Variants in RAB8B observed in about 807,000 individuals in gnomAD.
RAB8B encodes RAB8B, member RAS oncogene family.
Under a neutral mutation model 32.0 loss-of-function variants are expected in RAB8B, and 11 were observed. That is an observed-to-expected ratio of 0.34 (90% CI 0.22 to 0.57). The LOEUF is 0.57. Among genes scored for constraint, RAB8B ranks in the 20% least tolerant of loss-of-function variants. The pLI is 0.86. For missense variants in RAB8B, 190 were observed against 258.5 expected (o/e 0.73, Z 1.82); for synonymous variants, 103 against 89.6 (o/e 1.15, Z -0.85).
Position 63,244,796 on chromosome 15 carries a change from G to C in RAB8B, c.165G>C (p.Lys55Asn). 3 of 1,583,474 alleles carry C rather than the reference G, an allele frequency of 1.9e-6. No individual in the cohort carries two copies. The highest frequency in any genetic ancestry group is 2.6e-6 in the Non-Finnish European group (3 of 1,155,916). The part of the protein sequence containing the change: ...FKIRTIELDG[K>N]KIKLQIWDTA... ...TTAGAACGATAGAACTAGATGGAAA[G>C]AAAATTAAGCTTCAGATATGGTAAG... Residue 55 changes from lysine to asparagine, a missense_variant, in exon 2 of 8, where the codon AAG becomes AAC. Transcript: ENST00000321437.
At chr15:63,247,548 G>A (rs2038081421) in intron 2 of RAB8B, among the ~76,000 whole-genome samples, 1 of 152,174 alleles carries the variant, frequency 6.6e-6, no homozygotes, top group Admixed American at 6.5e-5. Flanking sequence ...TCAGTTCAGT[G>A]CCTTGCATGG....
chr15:63,191,104 C>T (rs557832528), intron 1 of RAB8B, among the ~76,000 whole-genome samples: 1 of 152,228 alleles, frequency 6.6e-6, no homozygotes, highest in Admixed American at 6.5e-5. Flanking sequence ...AATTAAGTAC[C>T]TTAAGAATAC....
At chr15:63,196,888 A>T (rs2037604834) in intron 1 of RAB8B, among the ~76,000 whole-genome samples, 3 of 152,248 alleles carry the variant, frequency 2.0e-5, no homozygotes, top group African/African-American at 7.2e-5. Flanking sequence ...TTTAACACCC[A>T]GCTTCCAACC....
At position 63,189,669 on chromosome 15, in the gene RAB8B, C is replaced by G; in HGVS notation, c.45C>G (p.Gly15=). The G allele has an allele frequency of 6.2e-7, 1 of 1,613,988 alleles. No homozygotes were observed. Among genetic ancestry groups the G allele is most frequent in the Non-Finnish European group, 8.5e-7 (1 of 1,179,902 alleles). The change falls in exon 1 of 8, where the codon GGC becomes GGG. Residue 15 remains glycine, a synonymous_variant. Transcript: ENST00000321437. ...ATCTCTTCAAGCTCCTGCTGATCGG[C>G]GACTCGGGGGTAGGCAAGACCTGCC... The part of the protein sequence containing the change: ...YDYLFKLLLI[G]DSGVGKTCLL...
At chr15:63,256,458 G>A (rs751690487) in intron 4 of RAB8B, 47 bp from the exon 5 acceptor site, 39 of 1,371,738 alleles carry the variant, frequency 2.8e-5, no homozygotes, top group Admixed American at 1.8e-4. Context: ...ATTAAGTAAC[G>A]GGTTTTTCTC....
intron 2 of RAB8B, among the ~76,000 whole-genome samples, chr15:63,246,139 C>T (rs981890878): frequency 3.3e-5 from 5 of 152,208 alleles, no homozygotes; most frequent in Non-Finnish European, 7.3e-5. Flanking sequence ...TCCCAAAGTG[C>T]TGGGATTACA....
In RAB8B at chr15:63,259,195, C is replaced by T. The variant is rs1216930953; in HGVS notation, c.415-432C>T. On this transcript the variant is annotated intron_variant, in intron 5 of 7. Coordinates refer to ENST00000321437, the MANE Select transcript of RAB8B (RefSeq NM_016530.3). This position sits in a 1 kb window ranked among gnomAD's most constrained non-coding sequence, Gnocchi z 4.4. ...AGTGCAGTGGTGCGATCTCGGCTTA[C>T]TCCAACCTCTGCCTCCTGGGTTCAA... Among the ~76,000 whole-genome samples the T allele has an allele frequency of 6.6e-6, 1 of 152,196 alleles. No individual in the cohort carries two copies. The highest frequency in any genetic ancestry group is 1.5e-5 in the Non-Finnish European group (1 of 68,038).
At chr15:63,199,996 G>A (rs2037634357) in intron 1 of RAB8B, among the ~76,000 whole-genome samples, 2 of 152,050 alleles carry the variant, frequency 1.3e-5, no homozygotes, top group South Asian at 4.2e-4. Flanking sequence ...AAGTACGTAG[G>A]GCTGTGACAA....
rs756888065 is a variant in RAB8B at position 63,248,540 on chromosome 15, A to G, written c.186-1105A>G. 3.3e-5 allele frequency among the ~76,000 whole-genome samples: 5 copies of G among 152,062 alleles called. No individual in the cohort carries two copies. The highest frequency in any genetic ancestry group is 2.0e-4 in the Admixed American group (3 of 15,260). On this transcript the variant is annotated intron_variant, in intron 2 of 7. Coordinates refer to ENST00000321437, the MANE Select transcript of RAB8B (RefSeq NM_016530.3). This position sits in a 1 kb window ranked among gnomAD's most constrained non-coding sequence, Gnocchi z 4.4. ...AACAAACAAACAAATAAATAAATAC[A>G]TAAAGAATATGAGCTGTTTAGTGGC...
At chr15:63,197,273 AT>A (rs1242161966) in intron 1 of RAB8B, among the ~76,000 whole-genome samples, 1 of 150,940 alleles carries the variant, frequency 6.6e-6, no homozygotes, top group African/African-American at 2.4e-5. Context: ...ACAGAAAAAA[AT>A]GATCATTTTA....
Position 63,189,621 on chromosome 15 carries a change from G to A in RAB8B, c.-4G>A. 1.2e-6 allele frequency: 2 copies of A among 1,613,636 alleles called. No individual in the cohort carries two copies. The highest frequency in any genetic ancestry group is 1.7e-6 in the Non-Finnish European group (2 of 1,179,802). ...CTCCCCGGTCAGAGGGCCGGAGCGA[G>A]AAGATGGCGAAGACGTACGATTATC... On this transcript the variant is annotated 5_prime_UTR_variant, in exon 1 of 8. Transcript: ENST00000321437.
chr15:63,235,114 TAG>T (rs1160039144), intron 1 of RAB8B, among the ~76,000 whole-genome samples: 1 of 147,728 alleles, frequency 6.8e-6, no homozygotes, highest in Non-Finnish European at 1.5e-5. Context: ...TCATTAATGG[TAG>T]TGGAAAAATC....
chr15:63,190,946 C>T (rs2037551217), intron 1 of RAB8B, among the ~76,000 whole-genome samples: 1 of 152,238 alleles, frequency 6.6e-6, no homozygotes, highest in Admixed American at 6.5e-5. Flanking sequence ...TGGGAGCTGT[C>T]CTTTCTACTT....
intron 2 of RAB8B, among the ~76,000 whole-genome samples, chr15:63,246,880 AAG>A (rs1189087063): frequency 6.6e-6 from 1 of 152,178 alleles, no homozygotes; most frequent in African/African-American, 2.4e-5. Flanking sequence ...AGCGCACAAA[AAG>A]AACTTAAACA....
At chr15:63,234,370 C>G (rs1452996484) in intron 1 of RAB8B, among the ~76,000 whole-genome samples, 1 of 152,226 alleles carries the variant, frequency 6.6e-6, no homozygotes, top group Non-Finnish European at 1.5e-5. Context: ...TTATTAATAT[C>G]TGTTGACTGA....
intron 1 of RAB8B, among the ~76,000 whole-genome samples, chr15:63,199,252 G>C (rs2037628085): frequency 6.6e-6 from 1 of 152,132 alleles, no homozygotes; most frequent in Non-Finnish European, 1.5e-5. Context: ...TTTTGCTTTT[G>C]TTAGCAATTG....
In RAB8B at chr15:63,219,682, GT is replaced by G. The variant is rs374892930; in HGVS notation, c.125-25071del. ...GGCAGAAAGCCACTGCTGTGGGGCA[GT>G]TTGCCACTGAAGACTTGTCTCATTT... On this transcript the variant is annotated intron_variant, in intron 1 of 7. Coordinates refer to ENST00000321437, the MANE Select transcript of RAB8B (RefSeq NM_016530.3). Among the ~76,000 whole-genome samples the G allele has an allele frequency of 5.2e-4, 79 of 152,364 alleles. No homozygotes were observed. In the East Asian group the frequency reaches 0.015, roughly 29 times the overall value.
At chr15:63,242,382 A>G (rs562288601) in intron 1 of RAB8B, among the ~76,000 whole-genome samples, 1 of 152,204 alleles carries the variant, frequency 6.6e-6, no homozygotes, top group African/African-American at 2.4e-5. Flanking sequence ...CTCCCCACCT[A>G]AATAAAACTG....
At chr15:63,238,731 A>G (rs763000636) in intron 1 of RAB8B, among the ~76,000 whole-genome samples, 3 of 152,126 alleles carry the variant, frequency 2.0e-5, no homozygotes, top group Admixed American at 6.6e-5. Flanking sequence ...TTAGCAGCCT[A>G]TGGATTCTAG....
Sources: gnomAD v4.1 joint callset for allele counts (sites outside exome capture counted in the v4.1 genomes callset) on GRCh38, gnomAD v4.1.1 for gene constraint, Gnocchi (gnomAD v3.1) non-coding constraint, MANE v1.5 for transcripts, NCBI Gene and HGNC (gene_info 2026-07-23, HGNC 2026-07-21) for gene names.